Variants in DENND2B observed in about 807,000 individuals in gnomAD.
DENND2B encodes DENN domain containing 2B.
DENND2B carries 32 observed loss-of-function variants against 116.0 expected under a neutral mutation model. That is an observed-to-expected ratio of 0.28 (90% CI 0.21 to 0.37). The LOEUF (loss-of-function observed/expected upper bound fraction) is 0.37. Among genes scored for constraint, DENND2B ranks in the 10% least tolerant of loss-of-function variants. DENND2B has a pLI of 1.00. For synonymous variants in DENND2B, 588 were observed against 583.9 expected, an observed-to-expected ratio of 1.01 and a Z score of -0.10; for missense variants, 1,276 against 1,477.7, an observed-to-expected ratio of 0.86 and a Z score of 2.24.
At chr11:8,871,226 A>G (rs1049380883) in intron 1 of DENND2B, 1 of 151,548 alleles carries the variant, frequency 6.6e-6, no homozygotes, top group African/African-American at 2.4e-5. Flanking sequence ...AGGCAGCGAG[A>G]AAGCCGCGCC....
intron 1 of DENND2B, among the ~76,000 whole-genome samples, chr11:8,755,226 CA>C (rs1409995642): frequency 2.0e-5 from 3 of 152,194 alleles, no homozygotes; most frequent in African/African-American, 7.2e-5. Flanking sequence ...TCCTCCATCA[CA>C]TTGGCCAAAA....
At chr11:8,776,845 C>T (rs985921471) in intron 1 of DENND2B, among the ~76,000 whole-genome samples, 2 of 152,110 alleles carry the variant, frequency 1.3e-5, no homozygotes, top group Non-Finnish European at 2.9e-5. Context: ...CTGCCCTAAG[C>T]CAGGGAACAG....
chr11:8,865,849 G>A (rs1020077025), intron 2 of DENND2B, among the ~76,000 whole-genome samples: 43 of 150,510 alleles, frequency 2.9e-4, no homozygotes, highest in Admixed American at 1.0e-3. Flanking sequence ...GATTACATCT[G>A]AGTATCAAAG....
chr11:8,827,853 G>T (rs2062038249), intron 4 of DENND2B, among the ~76,000 whole-genome samples: 1 of 152,222 alleles, frequency 6.6e-6, no homozygotes, highest in Admixed American at 6.5e-5. Context: ...GGTTGGGAGA[G>T]AATGGGATAG....
chr11:8,695,633 A>G (rs1291411808), intron 18 of DENND2B, 84 bp from the exon 19 acceptor site: 2 of 1,156,640 alleles, frequency 1.7e-6, no homozygotes, highest in Non-Finnish European at 2.5e-6. Flanking sequence ...ACCATGGAGC[A>G]CAGATGCCAA....
In DENND2B at chr11:8,702,535, C is replaced by T. The variant is rs769125943; in HGVS notation, c.2720+37G>A. ...TGATTCGCTTGTGGGTGTGCCTTCC[C>T]CCCTCCCTTCTGCTTTCTTGCCCGG... On this transcript the variant is annotated intron_variant, in intron 14 of 19. Transcript: ENST00000313726. This position sits in a 1 kb window ranked among gnomAD's most constrained non-coding sequence, Gnocchi z 4.6. 1 of 1,606,478 alleles carries T rather than the reference C, an allele frequency of 6.2e-7. No individual in the cohort carries two copies. Among genetic ancestry groups the T allele is most frequent in the South Asian group, 1.1e-5 (1 of 91,036 alleles).
intron 3 of DENND2B, among the ~76,000 whole-genome samples, chr11:8,854,703 C>G (rs1407390300): frequency 2.0e-5 from 3 of 151,924 alleles, no homozygotes; most frequent in Non-Finnish European, 4.4e-5. Flanking sequence ...TGACAAGACT[C>G]TATCTCTATA....
In DENND2B at chr11:8,731,577, T is replaced by C. The variant is rs771871893; in HGVS notation, c.81-368A>G. The stretch of plus-strand genomic sequence containing the variant: ...CTTAACAACCAGTTCTCAGAAGGTG[T>C]GGTGGCTCATGCCTGTAATCCCAGC... On this transcript the variant is annotated intron_variant, in intron 2 of 19. Coordinates refer to ENST00000313726, the MANE Select transcript of DENND2B (RefSeq NM_213618.2). 7.9e-4 allele frequency among the ~76,000 whole-genome samples: 120 copies of C among 152,186 alleles called. 1 individual carries two copies. Among genetic ancestry groups the C allele is most frequent in the Admixed American group, 1.1e-3 (17 of 15,290 alleles).
chr11:8,700,636 A>G (rs1193420400), intron 14 of DENND2B, among the ~76,000 whole-genome samples: 1 of 152,110 alleles, frequency 6.6e-6, no homozygotes, highest in African/African-American at 2.4e-5. Context: ...AGCACCTGAC[A>G]TTTAAGGTGG....
At chr11:8,843,816 T>C (rs10840134) in intron 3 of DENND2B, among the ~76,000 whole-genome samples, 49,799 of 152,020 alleles carry the variant, frequency 0.33, 10,089 homozygotes, top group Non-Finnish European at 0.44. Flanking sequence ...CCAGAATGGC[T>C]TCCCTCCTCT....
chr11:8,889,627 A>G (rs1037565264), intron 1 of DENND2B, among the ~76,000 whole-genome samples: 2 of 152,226 alleles, frequency 1.3e-5, no homozygotes, highest in Non-Finnish European at 2.9e-5. Context: ...TCCCATGTCC[A>G]TGGAGCCTGG....
Position 8,747,751 on chromosome 11 carries a change from A to C in DENND2B, c.80+2870T>G, listed in dbSNP as rs139370630. Among the ~76,000 whole-genome samples, 567 of 152,346 alleles carry C rather than the reference A, an allele frequency of 3.7e-3. 5 individuals are homozygous for C. The highest frequency in any genetic ancestry group is 0.013 in the African/African-American group (522 of 41,580). On this transcript the variant is annotated intron_variant, in intron 2 of 19. Coordinates refer to ENST00000313726, the MANE Select transcript of DENND2B (RefSeq NM_213618.2). ...AACCTGCTCCAGGAGACCAAGATAC[A>C]GCAAAGAACAAAACTGAGGCAGTCA...
At chr11:8,819,184 C>T (rs1009792176) in intron 4 of DENND2B, among the ~76,000 whole-genome samples, 4 of 152,030 alleles carry the variant, frequency 2.6e-5, no homozygotes, top group African/African-American at 9.7e-5. Context: ...CGCTTGAGCT[C>T]AGGAGTTTGA....
At position 8,712,575 on chromosome 11, in the gene DENND2B, G is replaced by T; in HGVS notation, c.2148C>A (p.Pro716=). The change falls in exon 9 of 20, where the codon CCC becomes CCA. Residue 716 remains proline (P), a synonymous_variant. Transcript: ENST00000313726. This position sits in a 1 kb window ranked among gnomAD's most constrained non-coding sequence, Gnocchi z 4.4. ...KKKPSRNTYL[P]EVSYQFPKLD... Reference sequence around the variant, plus strand: ...CCTTGGGAAACTGGTAGGAGACTTCGGGGAGGTAGGTGTTTCGCGATGGCT... The same window carrying T: ...CCTTGGGAAACTGGTAGGAGACTTCTGGGAGGTAGGTGTTTCGCGATGGCT... 1 of 1,554,288 alleles carries T rather than the reference G, an allele frequency of 6.4e-7. No individual in the cohort carries two copies.
At chr11:8,895,355 C>A (rs1046730647) in intron 1 of DENND2B, among the ~76,000 whole-genome samples, 1 of 152,114 alleles carries the variant, frequency 6.6e-6, no homozygotes, top group African/African-American at 2.4e-5. Flanking sequence ...ATGTAACAAA[C>A]CTGCACGTTG....
At chr11:8,760,883 G>A (rs1490695224) in intron 1 of DENND2B, among the ~76,000 whole-genome samples, 1 of 152,108 alleles carries the variant, frequency 6.6e-6, no homozygotes, top group African/African-American at 2.4e-5. Flanking sequence ...ACAGGCCCCC[G>A]TGAGGCTGAA....
chr11:8,758,452 C>T (rs567370487), intron 1 of DENND2B, among the ~76,000 whole-genome samples: 1 of 152,270 alleles, frequency 6.6e-6, no homozygotes, highest in African/African-American at 2.4e-5. Context: ...CTTCCTGCCA[C>T]CCACCCTGAT....
intron 1 of DENND2B, among the ~76,000 whole-genome samples, chr11:8,895,007 C>T (rs2064082633): frequency 6.6e-6 from 1 of 152,122 alleles, no homozygotes; most frequent in Non-Finnish European, 1.5e-5. Context: ...CCCAAATGTC[C>T]ATCAATGATA....
intron 3 of DENND2B, among the ~76,000 whole-genome samples, chr11:8,844,953 G>A (rs2062760427): frequency 6.6e-6 from 1 of 151,900 alleles, no homozygotes; most frequent in Non-Finnish European, 1.5e-5. Flanking sequence ...TGTTGCCCAG[G>A]CTGGTTTCGA....
Sources: allele counts gnomAD v4.1 joint callset (sites outside exome capture counted in the v4.1 genomes callset), GRCh38; gene constraint gnomAD v4.1.1; non-coding constraint Gnocchi (gnomAD v3.1); transcripts MANE v1.5; gene names NCBI Gene and HGNC (gene_info 2026-07-23, HGNC 2026-07-21).